Variants in TMPRSS15 observed in about 807,000 individuals in gnomAD.
TMPRSS15 encodes the protein enteropeptidase.
A neutral mutation model predicts 125.3 loss-of-function variants in TMPRSS15; 128 were observed. The ratio of observed to expected loss-of-function variants is 1.02; its 90% confidence interval spans 0.89 to 1.18. The LOEUF is 1.18. Ranked by LOEUF, TMPRSS15 falls within the 50% of genes most tolerant of loss-of-function variation. TMPRSS15 has a pLI of 0.00. For missense variants in TMPRSS15, 1,283 were observed against 1,212.7 expected, an observed-to-expected ratio of 1.06 and a Z score of -0.86; for synonymous variants, 446 against 423.2, an observed-to-expected ratio of 1.05 and a Z score of -0.66.
At chr21:18,338,906 A>G (rs1375873101) in intron 13 of TMPRSS15, among the ~76,000 whole-genome samples, 1 of 152,112 alleles carries the variant, frequency 6.6e-6, no homozygotes, top group African/African-American at 2.4e-5. Flanking sequence ...TTATTCCATG[A>G]GAATGTATGG....
Position 18,359,741 on chromosome 21 carries a change from A to G in TMPRSS15, c.880+16T>C, listed in dbSNP as rs754136142. 3 of 1,178,182 alleles carry G rather than the reference A, an allele frequency of 2.5e-6. 1 individual carries two copies. The highest frequency in any genetic ancestry group is 2.5e-5 in the South Asian group (2 of 80,382). 73.0% of individuals were successfully genotyped at this position (1,178,182 alleles called of 1,614,324 possible). A position where few individuals can be genotyped will look rare whatever the true frequency, so the allele number is the denominator to read the frequency against. The stretch of plus-strand genomic sequence containing the variant: ...TTTTCATTTTCATAAGTAATTGTAT[A>G]TTTGTTTCAACTTACCTCTTAAAAT... On this transcript the variant is annotated intron_variant, in intron 8 of 24. Transcript: ENST00000284885.
Position 18,315,126 on chromosome 21 carries a change from T to C in TMPRSS15, c.2032+20A>G. On this transcript the variant is annotated intron_variant, in intron 17 of 24. Transcript: ENST00000284885. ...CAGAGGCTAAAGTCATAAAAGTATT[T>C]TCCTAAAAATAAGACATACCACAAT... 6.3e-7 allele frequency: 1 copy of C among 1,586,604 alleles called. No homozygotes were observed. Among genetic ancestry groups the C allele is most frequent in the Non-Finnish European group, 8.6e-7 (1 of 1,156,924 alleles).
At chr21:18,452,639 C>A (rs1355871484) in intron 1 of TMPRSS15, among the ~76,000 whole-genome samples, 1 of 152,142 alleles carries the variant, frequency 6.6e-6, no homozygotes, top group Non-Finnish European at 1.5e-5. Context: ...TCAGTACACT[C>A]CAGCCTGTCT....
chr21:18,456,232 T>C (rs916901059), intron 1 of TMPRSS15, among the ~76,000 whole-genome samples: 13 of 152,260 alleles, frequency 8.5e-5, no homozygotes, highest in African/African-American at 2.6e-4. Flanking sequence ...GGGATTAACT[T>C]TCTCCTTTAG....
intron 11 of TMPRSS15, 35 bp from the exon 12 acceptor site, chr21:18,343,691 TACA>T (rs1196532325): frequency 6.3e-7 from 1 of 1,592,974 alleles, no homozygotes; most frequent in Non-Finnish European, 8.6e-7. Context: ...TTTGGATTCC[TACA>T]ACATTAGAAT....
intron 1 of TMPRSS15, among the ~76,000 whole-genome samples, chr21:18,461,778 T>C (rs2032054781): frequency 1.3e-5 from 2 of 152,100 alleles, no homozygotes; most frequent in South Asian, 4.1e-4. Flanking sequence ...TTAAAGTCGA[T>C]TTATTTTCAG....
intron 3 of TMPRSS15, among the ~76,000 whole-genome samples, chr21:18,393,506 G>T (rs2076007839): frequency 6.6e-6 from 1 of 152,116 alleles, no homozygotes; most frequent in Non-Finnish European, 1.5e-5. Context: ...TGTTGGACTA[G>T]AATGAATTTT....
chr21:18,296,655 A>G (rs765346101), intron 19 of TMPRSS15, among the ~76,000 whole-genome samples: 14 of 152,162 alleles, frequency 9.2e-5, no homozygotes, highest in African/African-American at 2.9e-4. Context: ...AAATGCCTCT[A>G]AGACGTGAAA....
intron 1 of TMPRSS15, among the ~76,000 whole-genome samples, chr21:18,459,883 G>C (rs1978519883): frequency 6.6e-6 from 1 of 152,070 alleles, no homozygotes; most frequent in Non-Finnish European, 1.5e-5. Flanking sequence ...AATTTTCAGT[G>C]TAAAGGTCTC....
intron 1 of TMPRSS15, among the ~76,000 whole-genome samples, chr21:18,403,211 A>C (rs1460435615): frequency 6.6e-6 from 1 of 152,198 alleles, no homozygotes; most frequent in Non-Finnish European, 1.5e-5. Context: ...TTATTTTAAA[A>C]ACTACTCAGT....
chr21:18,431,549 C>A (rs1197746193), intron 1 of TMPRSS15, among the ~76,000 whole-genome samples: 1 of 152,164 alleles, frequency 6.6e-6, no homozygotes, highest in Admixed American at 6.5e-5. Context: ...GCTTGTATGG[C>A]AATTTAAATT....
chr21:18,469,030 C>T (rs150051690), intron 1 of TMPRSS15, among the ~76,000 whole-genome samples: 3 of 152,242 alleles, frequency 2.0e-5, no homozygotes, highest in Middle Eastern at 6.8e-3. Context: ...CATGCTTTAA[C>T]ATAAATACCG....
intron 3 of TMPRSS15, among the ~76,000 whole-genome samples, chr21:18,393,380 A>G (rs563340227): frequency 2.3e-4 from 35 of 152,204 alleles, no homozygotes; most frequent in Non-Finnish European, 4.9e-4. Context: ...AATAATCATG[A>G]TTATTTAATA....
In TMPRSS15 at chr21:18,316,892, T is replaced by C. The variant is rs957439451; in HGVS notation, c.1922-1636A>G. ...TATGTGCTGGAAGGAGAGTAGGAAC[T>C]CCATGAGGGCCACTTGGAATTTGGT... On this transcript the variant is annotated intron_variant, in intron 16 of 24. Transcript: ENST00000284885. Among the ~76,000 whole-genome samples the C allele has an allele frequency of 2.0e-5, 3 of 152,104 alleles. No homozygotes were observed. In the East Asian group the frequency reaches 5.8e-4, roughly 29 times the overall value.
intron 1 of TMPRSS15, among the ~76,000 whole-genome samples, chr21:18,473,183 A>G (rs1263575646): frequency 6.6e-6 from 1 of 152,152 alleles, no homozygotes; most frequent in Non-Finnish European, 1.5e-5. Flanking sequence ...TGGATTTTTC[A>G]AAGTACAAGT....
In TMPRSS15 at chr21:18,447,183, C is replaced by T. The variant is rs560452928; in HGVS notation, c.10+38616G>A. On this transcript the variant is annotated intron_variant, in intron 1 of 7. Coordinates refer to the TMPRSS15 transcript ENST00000422787. The stretch of plus-strand genomic sequence containing the variant: ...CAAATGGGCCAGGTGTAGTGGTTCA[C>T]GCCTGTAACCCCAGCACTTTGGGAG... Among the ~76,000 whole-genome samples the T allele has an allele frequency of 1.1e-4, 17 of 152,046 alleles. No individual in the cohort carries two copies. The South Asian group carries it at 2.1e-3, about 19-fold the overall frequency.
chr21:18,375,815 T>C (rs1039899035), intron 5 of TMPRSS15, among the ~76,000 whole-genome samples: 6 of 152,184 alleles, frequency 3.9e-5, no homozygotes, highest in Admixed American at 1.3e-4. Flanking sequence ...AAATTTCCAG[T>C]GATTTGACAT....
At chr21:18,304,930 C>T (rs912759642) in intron 18 of TMPRSS15, among the ~76,000 whole-genome samples, 2 of 152,028 alleles carry the variant, frequency 1.3e-5, no homozygotes, top group Non-Finnish European at 2.9e-5. Flanking sequence ...TGACAAAATA[C>T]ATATTAAAAA....
chr21:18,452,994 C>T (rs994712917), intron 1 of TMPRSS15, among the ~76,000 whole-genome samples: 11 of 152,120 alleles, frequency 7.2e-5, no homozygotes, highest in African/African-American at 2.7e-4. Context: ...TTGAAGTGCA[C>T]AATACTGCAT....
Sources: allele counts gnomAD v4.1 joint callset (sites outside exome capture counted in the v4.1 genomes callset), GRCh38; gene constraint gnomAD v4.1.1; transcripts MANE v1.5; gene names NCBI Gene and HGNC (gene_info 2026-07-23, HGNC 2026-07-21).